GPR107: variants seen among roughly 807,000 people sequenced by gnomAD.
The protein encoded by GPR107 is G protein-coupled receptor 107.
In GPR107, 31 loss-of-function variants were observed where a neutral mutation model predicts 75.5. That is an observed-to-expected ratio of 0.41 (90% confidence interval 0.31 to 0.55). The LOEUF is 0.55. GPR107 is among the 20% of genes least tolerant of loss of function. The probability of loss-of-function intolerance (pLI) is 0.26; values close to 1 mark genes in which losing one functional copy is unlikely to be tolerated. For missense variants in GPR107, 572 were observed against 665.7 expected (o/e 0.86, Z 1.55); for synonymous variants, 267 against 251.3 (o/e 1.06, Z -0.59).
intron 7 of GPR107, among the ~76,000 whole-genome samples, chr9:130,089,395 A>C (rs913537204): frequency 1.3e-5 from 2 of 152,002 alleles, no homozygotes; most frequent in Non-Finnish European, 2.9e-5. Flanking sequence ...GCTTTCCCCC[A>C]CCTTGGAAAG....
chr9:130,066,332 GA>G (rs1205534613), intron 1 of GPR107, among the ~76,000 whole-genome samples: 1 of 151,838 alleles, frequency 6.6e-6, no homozygotes, highest in Admixed American at 6.6e-5. Flanking sequence ...AATTTAAAAA[GA>G]ATAAAAGAGG....
At chr9:130,115,935 A>G (rs1459022192) in intron 14 of GPR107, among the ~76,000 whole-genome samples, 1 of 152,188 alleles carries the variant, frequency 6.6e-6, no homozygotes, top group Non-Finnish European at 1.5e-5. Flanking sequence ...GATTTAATAC[A>G]GTGATTTTAA....
At chr9:130,123,998 G>A (rs1189107416) in intron 14 of GPR107, among the ~76,000 whole-genome samples, 4 of 152,172 alleles carry the variant, frequency 2.6e-5, no homozygotes, top group African/African-American at 7.2e-5. Context: ...TTTCTCAGAG[G>A]AGATTCTTGT....
rs1398584645 is a variant in GPR107 at position 130,056,818 on chromosome 9, G to A, written c.141+2745G>A. Among the ~76,000 whole-genome samples the A allele has an allele frequency of 5.3e-5, 8 of 150,344 alleles. No individual in the cohort carries two copies. The East Asian group carries it at 9.9e-4, about 19-fold the overall frequency. On this transcript the variant is annotated intron_variant, in intron 1 of 17. Transcript: ENST00000347136. ...CAGGTGCCGGTGGTCTCAGCTACTC[G>A]GGAGGCTGAGGCAGGAGAATGGCAT... is the stretch of plus-strand genomic sequence containing the variant.
chr9:130,115,292 A>C (rs531122322), intron 14 of GPR107, among the ~76,000 whole-genome samples: 2 of 152,142 alleles, frequency 1.3e-5, no homozygotes, highest in East Asian at 3.9e-4. Flanking sequence ...ACCCTTCTAC[A>C]GTGATTTGGA....
intron 7 of GPR107, among the ~76,000 whole-genome samples, chr9:130,089,648 T>C (rs755177476): frequency 1.4e-4 from 21 of 152,154 alleles, no homozygotes; most frequent in Non-Finnish European, 2.2e-4. Flanking sequence ...TTAAAAAAAA[T>C]TATATCTTTT....
At chr9:130,079,824 T>G (rs2132568051) in intron 5 of GPR107, 55 bp downstream of exon 5, 1 of 1,222,364 alleles carries the variant, frequency 8.2e-7, no homozygotes, top group Non-Finnish European at 1.1e-6. Context: ...TTTGTAGCTT[T>G]TTTGTTCCTA....
chr9:130,084,001 AGTTG>A (rs1038768176), intron 6 of GPR107, among the ~76,000 whole-genome samples: 1 of 148,950 alleles, frequency 6.7e-6, no homozygotes, highest in African/African-American at 2.5e-5. Flanking sequence ...TTTGGTTGGC[AGTTG>A]GTTCAATCTG....
Position 130,086,403 on chromosome 9 carries a change from C to CTAT in GPR107, c.565-13_565-11dup. On this transcript the variant is annotated splice_polypyrimidine_tract_variant and intron_variant, in intron 6 of 17. Transcript: ENST00000347136. ...TATGCCGGTGTCATCCTAAAACATA[C>CTAT]TATTATGTCTTTTTAGGCCATGGGA... 1 of 1,279,936 alleles carries CTAT rather than the reference C, an allele frequency of 7.8e-7. No homozygotes were observed. The highest frequency in any genetic ancestry group is 1.2e-5 in the South Asian group (1 of 83,654). The allele number at this position is 1,279,936 out of a possible 1,614,324, so 79.3% of individuals were successfully genotyped here. A position where few individuals can be genotyped will look rare whatever the true frequency, so the allele number is the denominator to read the frequency against.
In GPR107 at chr9:130,135,284, C is replaced by G; in HGVS notation, c.*163C>G. The G allele has an allele frequency of 3.8e-6, 2 of 523,268 alleles. No individual in the cohort carries two copies. Among genetic ancestry groups the G allele is most frequent in the East Asian group, 6.6e-5 (2 of 30,486 alleles). The allele number at this position is 523,268 out of a possible 1,614,324, so 32.4% of individuals were successfully genotyped here. On this transcript the variant is annotated 3_prime_UTR_variant, in exon 18 of 18. Transcript: ENST00000347136. ...TGCCGCGGAAACCTGATTTTGTACT[C>G]TCTTTTATGGAAACGATCTGTGGCT...
At chr9:130,096,810 G>A (rs1361172898) in intron 9 of GPR107, among the ~76,000 whole-genome samples, 1 of 152,172 alleles carries the variant, frequency 6.6e-6, no homozygotes, top group Non-Finnish European at 1.5e-5. Flanking sequence ...TACTGGTGTT[G>A]CATTTATTTT....
At chr9:130,077,466 C>G (rs1003839955) in intron 4 of GPR107, 88 bp downstream of exon 4, 14 of 766,876 alleles carry the variant, frequency 1.8e-5, no homozygotes, top group Middle Eastern at 2.3e-4. Context: ...GGGTGTCTGC[C>G]ATGTGCCAGA....
intron 1 of GPR107, among the ~76,000 whole-genome samples, chr9:130,070,343 G>A (rs779152241): frequency 2.0e-5 from 3 of 151,964 alleles, no homozygotes; most frequent in African/African-American, 7.3e-5. Flanking sequence ...TCGCTCTTTC[G>A]CCCAAGCTAG....
rs1052391393 is a variant in GPR107 at position 130,139,169 on chromosome 9, C to T, written c.*4048C>T. 6.6e-6 allele frequency: 1 copy of T among 152,214 alleles called. No individual in the cohort carries two copies. 9.4% of individuals were successfully genotyped at this position (152,214 alleles called of 1,614,324 possible). A position where few individuals can be genotyped will look rare whatever the true frequency, so the allele number is the denominator to read the frequency against. ...CCTGTGGCCTGCGGCTTGATTCTTC[C>T]CTTTAGGATTCAGCAAGTTAATGGC... On this transcript the variant is annotated 3_prime_UTR_variant, in exon 18 of 18. Transcript: ENST00000347136.
At chr9:130,063,196 C>CTT (rs760373185) in intron 1 of GPR107, among the ~76,000 whole-genome samples, 1 of 146,614 alleles carries the variant, frequency 6.8e-6, no homozygotes, top group African/African-American at 2.5e-5. Context: ...ATATAACATG[C>CTT]TTTTTTTTTT....
At chr9:130,077,166 G>A (rs1386458110) in intron 3 of GPR107, 133 bp from the exon 4 acceptor site, 19 of 633,228 alleles carry the variant, frequency 3.0e-5, no homozygotes, top group African/African-American at 7.2e-5. Context: ...GATTACAGGC[G>A]TGAGCCACCA....
chr9:130,063,910 A>C (rs571439456), intron 1 of GPR107, among the ~76,000 whole-genome samples: 1 of 150,650 alleles, frequency 6.6e-6, no homozygotes. Flanking sequence ...ATTCAAGTGA[A>C]TCTCTTGCCT....
intron 9 of GPR107, among the ~76,000 whole-genome samples, chr9:130,094,691 G>GT (rs1327452319): frequency 6.8e-6 from 1 of 147,808 alleles, no homozygotes; most frequent in Non-Finnish European, 1.5e-5. Context: ...GTTTTTTTTT[G>GT]TTTTTTTGAG....
At chr9:130,071,023 C>CTTT (rs61429547) in intron 1 of GPR107, among the ~76,000 whole-genome samples, 12 of 106,226 alleles carry the variant, frequency 1.1e-4, no homozygotes, top group Non-Finnish European at 1.1e-4. Flanking sequence ...CCAGTCCTAA[C>CTTT]TTTTTTTTTT....
Sources: allele counts gnomAD v4.1 joint callset (sites outside exome capture counted in the v4.1 genomes callset), GRCh38; gene constraint gnomAD v4.1.1; transcripts MANE v1.5; gene names NCBI Gene and HGNC (gene_info 2026-07-23, HGNC 2026-07-21).